Variants in ZNF14 observed in about 807,000 individuals in gnomAD.
The protein encoded by ZNF14 is gonadotropin inducible transcription repressor-4.
A neutral mutation model predicts 11.3 loss-of-function variants in ZNF14; 9 were observed. That is an observed-to-expected ratio of 0.80 (90% CI 0.48 to 1.39). The LOEUF is 1.39. Among genes scored for constraint, ZNF14 ranks in the 40% most tolerant of loss-of-function variants. ZNF14 has a pLI of 0.00. For missense variants in ZNF14, 711 were observed against 763.9 expected (o/e 0.93, Z 0.82); for synonymous variants, 239 against 245.7 (o/e 0.97, Z 0.25).
rs1306949453 is a variant in ZNF14, at chr19:19,732,945, C to T, written c.3+11G>A. The stretch of plus-strand genomic sequence containing the variant: ...GAAACCTCCCCTCGGACACTGGCCC[C>T]GCACACTCACCATTTCCCAGCGTCC... On this transcript the variant is annotated intron_variant, in intron 1 of 3. Coordinates refer to ENST00000344099, the MANE Select transcript of ZNF14 (RefSeq NM_021030.3). The T allele has an allele frequency of 6.2e-7, 1 of 1,613,694 alleles. No individual in the cohort carries two copies. The highest frequency in any genetic ancestry group is 1.7e-5 in the Admixed American group (1 of 60,004).
rs2062429140 is a variant in ZNF14, at chr19:19,733,103, C to T, written c.-145G>A. The T allele has an allele frequency of 2.0e-6, 2 of 1,009,066 alleles. No homozygotes were observed. Among genetic ancestry groups the T allele is most frequent in the South Asian group, 1.6e-5 (1 of 63,600 alleles). The allele number at this position is 1,009,066 out of a possible 1,614,324, so 62.5% of individuals were successfully genotyped here. On this transcript the variant is annotated 5_prime_UTR_variant, in exon 1 of 4. Coordinates refer to ENST00000344099, the MANE Select transcript of ZNF14 (RefSeq NM_021030.3). ...TCTTCCCATGGGCCAGGAATGGCGA[C>T]GTCCGCACTGCGCAGGCCCAGCGTG...
chr19:19,730,336 A>G (rs1338350080), intron 1 of ZNF14, among the ~76,000 whole-genome samples: 2 of 151,960 alleles, frequency 1.3e-5, no homozygotes, highest in East Asian at 3.9e-4. Context: ...CCGCAGTTTT[A>G]TTTAAGGGCA....
intron 1 of ZNF14, among the ~76,000 whole-genome samples, chr19:19,717,661 G>C (rs1463412897): frequency 6.6e-6 from 1 of 152,010 alleles, no homozygotes; most frequent in Non-Finnish European, 1.5e-5. Flanking sequence ...GAAATTCAAG[G>C]GATTTAGGAG....
Position 19,714,502 on chromosome 19 carries a change from A to G in ZNF14, c.4-15T>C. Reference sequence around the variant, plus strand: ...GAGACTGAGTCCTGAAACATTCCACATATGTTTACAGAGGATGGGTAAGAC... The same window carrying G: ...GAGACTGAGTCCTGAAACATTCCACGTATGTTTACAGAGGATGGGTAAGAC... On this transcript the variant is annotated splice_polypyrimidine_tract_variant and intron_variant, in intron 1 of 3. Transcript: ENST00000344099. The G allele has an allele frequency of 1.2e-6, 2 of 1,608,788 alleles. No individual in the cohort carries two copies. The highest frequency in any genetic ancestry group is 2.2e-5 in the South Asian group (2 of 90,572).
Position 19,711,364 on chromosome 19 carries a change from TC to T in ZNF14, c.1916del (p.Gly639GlufsTer67), listed in dbSNP as rs1488194991. Reference protein sequence around the residue: ...HFRLHERTHMGEKV With the variant: ...HFRLHERTHMXEKV ...GTTGCTTATATTCTTAGACTTTCTC[TC>T]CCATATGAGTCCTTTCATGCAGTCG... On this transcript the variant is annotated frameshift_variant, in exon 4 of 4. Transcript: ENST00000344099. LOFTEE classifies it high-confidence loss of function. 3 of 1,549,102 alleles carry T rather than the reference TC, an allele frequency of 1.9e-6. No individual in the cohort carries two copies. The African/African-American group carries it at 4.2e-5, about 21-fold the overall frequency.
At position 19,712,573 on chromosome 19, in the gene ZNF14, T is replaced by C. The variant is rs200694997; in HGVS notation, c.708A>G (p.Gln236=). 8.5e-5 allele frequency: 137 copies of C among 1,612,678 alleles called. 1 individual carries two copies. In the South Asian group the frequency reaches 1.2e-3, roughly 14 times the overall value. ...GAGTCCTTTTGTGTCTTTGAAAAGATTGGTAACATATAAAGGCTTTCCCAC... is the reference window on the plus strand; with the variant it reads ...GAGTCCTTTTGTGTCTTTGAAAAGACTGGTAACATATAAAGGCTTTCCCAC... The part of the protein sequence containing the change: ...KQCGKAFICY[Q]SFQRHKRTHT... Residue 236 remains glutamine (Q), a synonymous_variant, in exon 4 of 4, where the codon CAA becomes CAG. Transcript: ENST00000344099.
intron 1 of ZNF14, among the ~76,000 whole-genome samples, chr19:19,727,351 T>A (rs2062409251): frequency 7.5e-6 from 1 of 133,420 alleles, no homozygotes; most frequent in Non-Finnish European, 1.7e-5. Flanking sequence ...TGATGGGGTC[T>A]CCCTATGTTG....
intron 3 of ZNF14, among the ~76,000 whole-genome samples, chr19:19,713,599 C>T (rs531499183): frequency 6.6e-6 from 1 of 152,206 alleles, no homozygotes; most frequent in East Asian, 1.9e-4. Flanking sequence ...TAGGAGCACA[C>T]CACCACAGCT....
At chr19:19,732,836 G>T in intron 1 of ZNF14, 120 bp downstream of exon 1, 1 of 1,367,450 alleles carries the variant, frequency 7.3e-7, no homozygotes, top group Non-Finnish European at 1.0e-6. Flanking sequence ...GGGCCGAACT[G>T]CGCCCGCGGT....
At chr19:19,716,763 A>G (rs180822440) in intron 1 of ZNF14, among the ~76,000 whole-genome samples, 10 of 152,230 alleles carry the variant, frequency 6.6e-5, no homozygotes, top group Non-Finnish European at 2.9e-5. Context: ...ATTGAGGGTC[A>G]TAAGGCAAAG....
At chr19:19,730,624 C>T (rs1023036501) in intron 1 of ZNF14, among the ~76,000 whole-genome samples, 1 of 152,054 alleles carries the variant, frequency 6.6e-6, no homozygotes, top group Non-Finnish European at 1.5e-5. Context: ...ATAAGAAATC[C>T]AATACAGGCC....
At chr19:19,716,018 C>T (rs972154848) in intron 1 of ZNF14, among the ~76,000 whole-genome samples, 8 of 152,072 alleles carry the variant, frequency 5.3e-5, no homozygotes, top group Non-Finnish European at 8.8e-5. Flanking sequence ...TGAGGAGGAA[C>T]GTATGGCAAC....
Position 19,733,098 on chromosome 19 carries a change from G to T in ZNF14, c.-140C>A. Reference sequence around the variant, plus strand: ...CGCAATCTTCCCATGGGCCAGGAATGGCGACGTCCGCACTGCGCAGGCCCA... The same window carrying T: ...CGCAATCTTCCCATGGGCCAGGAATTGCGACGTCCGCACTGCGCAGGCCCA... On this transcript the variant is annotated 5_prime_UTR_variant, in exon 1 of 4. Coordinates refer to ENST00000344099, the MANE Select transcript of ZNF14 (RefSeq NM_021030.3). 1 of 1,086,570 alleles carries T rather than the reference G, an allele frequency of 9.2e-7. No homozygotes were observed. Among genetic ancestry groups the T allele is most frequent in the Non-Finnish European group, 1.3e-6 (1 of 751,348 alleles). The allele number at this position is 1,086,570 out of a possible 1,614,324, so 67.3% of individuals were successfully genotyped here. A position where few individuals can be genotyped will look rare whatever the true frequency, so the allele number is the denominator to read the frequency against.
Position 19,720,285 on chromosome 19 carries a change from C to A in ZNF14, c.4-5798G>T, listed in dbSNP as rs1404696515. Among the ~76,000 whole-genome samples, 2 of 151,862 alleles carry A rather than the reference C, an allele frequency of 1.3e-5. No homozygotes were observed. Among genetic ancestry groups the A allele is most frequent in the Admixed American group, 6.6e-5 (1 of 15,226 alleles). On this transcript the variant is annotated intron_variant, in intron 1 of 3. Transcript: ENST00000344099. The surrounding 1 kb of genome is among the most constrained non-coding windows in gnomAD (Gnocchi z 4.1). ...GCAATAGCAGGATATACATTCTTCT[C>A]AAGTTCACATGGAACATTCACCAAG...
chr19:19,720,016 T>C lies in ZNF14; in HGVS notation c.4-5529A>G, dbSNP rs1209218501. Among the ~76,000 whole-genome samples, 1 of 152,166 alleles carries C rather than the reference T, an allele frequency of 6.6e-6. No homozygotes were observed. The highest frequency in any genetic ancestry group is 1.5e-5 in the Non-Finnish European group (1 of 68,030). On this transcript the variant is annotated intron_variant, in intron 1 of 3. Transcript: ENST00000344099. This position sits in a 1 kb window ranked among gnomAD's most constrained non-coding sequence, Gnocchi z 4.1. ...CATTATGTAATAACAAAGTGATCAA[T>C]TCACCAAGAAGACAAGGCAATCCTT...
rs979403433 is a variant in ZNF14, at chr19:19,720,383, C to G, written c.4-5896G>C. Reference sequence around the variant, plus strand: ...GAGATGGAGTCTCGCTCTTGTTGCCCAGGCTGGAGTGCAATGACACAACCT... The same window carrying G: ...GAGATGGAGTCTCGCTCTTGTTGCCGAGGCTGGAGTGCAATGACACAACCT... On this transcript the variant is annotated intron_variant, in intron 1 of 3. Transcript: ENST00000344099. This position sits in a 1 kb window ranked among gnomAD's most constrained non-coding sequence, Gnocchi z 4.1. Among the ~76,000 whole-genome samples the G allele has an allele frequency of 1.3e-4, 19 of 151,492 alleles. No individual in the cohort carries two copies. The highest frequency in any genetic ancestry group is 4.6e-4 in the African/African-American group (19 of 41,190).
intron 1 of ZNF14, among the ~76,000 whole-genome samples, chr19:19,727,011 AT>A (rs1205350105): frequency 7.5e-6 from 1 of 134,006 alleles, no homozygotes; most frequent in Non-Finnish European, 1.7e-5. Context: ...AGGAAAGGGA[AT>A]TCCCCGACCC....
At chr19:19,713,249 C>T (rs932641669) in intron 3 of ZNF14, among the ~76,000 whole-genome samples, 160 bp from the exon 4 acceptor site, 3 of 152,170 alleles carry the variant, frequency 2.0e-5, no homozygotes, top group Non-Finnish European at 4.4e-5. Context: ...TGGAAGAAGA[C>T]TCAACCATAG....
At chr19:19,717,757 A>G (rs1163987943) in intron 1 of ZNF14, among the ~76,000 whole-genome samples, 1 of 152,252 alleles carries the variant, frequency 6.6e-6, no homozygotes, top group East Asian at 1.9e-4. Flanking sequence ...GCTCACTAAA[A>G]GACTGAGATC....
Sources: allele counts gnomAD v4.1 joint callset (sites outside exome capture counted in the v4.1 genomes callset), GRCh38; gene constraint gnomAD v4.1.1; non-coding constraint Gnocchi (gnomAD v3.1); transcripts MANE v1.5; gene names NCBI Gene and HGNC (gene_info 2026-07-23, HGNC 2026-07-21).